The following MDGA1 variants were observed in gnomAD, a reference collection of about 807,000 sequenced individuals.
The protein encoded by MDGA1 is MAM domain-containing glycosylphosphatidylinositol anchor protein 1.
Under a neutral mutation model 101.5 loss-of-function variants are expected in MDGA1, and 54 were observed. That is an observed-to-expected ratio of 0.53 (90% CI 0.43 to 0.67). The LOEUF (loss-of-function observed/expected upper bound fraction) is 0.67. MDGA1 is among the 30% of genes least tolerant of loss of function. The pLI is 0.00. For missense variants in MDGA1, 1,083 were observed against 1,323.8 expected, an observed-to-expected ratio of 0.82 and a Z score of 2.82; for synonymous variants, 533 against 558.3, an observed-to-expected ratio of 0.95 and a Z score of 0.64.
intron 1 of MDGA1, among the ~76,000 whole-genome samples, chr6:37,683,238 C>T (rs1216970401): frequency 2.6e-5 from 4 of 152,202 alleles, no homozygotes; most frequent in Non-Finnish European, 4.4e-5. Flanking sequence ...GAGAAATCGA[C>T]ACACTTGGAT....
Position 37,636,003 on chromosome 6 carries a change from A to C in MDGA1, c.*1365T>G. The stretch of plus-strand genomic sequence containing the variant: ...TGTTTGCACACACTCCTGCCCAACA[A>C]TGTACCCACGGTGGTACCTAGACAC... On this transcript the variant is annotated 3_prime_UTR_variant, in exon 17 of 17. Transcript: ENST00000434837. 22 of 341,806 alleles carry C rather than the reference A, an allele frequency of 6.4e-5. No individual in the cohort carries two copies. The highest frequency in any genetic ancestry group is 1.8e-4 in the East Asian group (4 of 22,322). The allele number at this position is 341,806 out of a possible 1,614,324, so 21.2% of individuals were successfully genotyped here. A position where few individuals can be genotyped will look rare whatever the true frequency, so the allele number is the denominator to read the frequency against.
intron 12 of MDGA1, 43 bp downstream of exon 12, chr6:37,645,890 C>T: frequency 1.2e-6 from 2 of 1,610,732 alleles, no homozygotes; most frequent in African/African-American, 1.3e-5. Flanking sequence ...GCCTTTGTGT[C>T]CCTAAAGGGA....
chr6:37,646,891 G>T (rs996290656), intron 10 of MDGA1, among the ~76,000 whole-genome samples: 1 of 152,118 alleles, frequency 6.6e-6, no homozygotes, highest in Admixed American at 6.5e-5. Context: ...TATGTTCTGT[G>T]AGCAGTGCTG....
In MDGA1 at chr6:37,635,746, T is replaced by C. The variant is rs1204412041; in HGVS notation, c.*1622A>G. ...AAGGTGCTTGCATTCAATAGGGTCA[T>C]CTGTAAGCTCTCCGTCATCCATAGG... On this transcript the variant is annotated 3_prime_UTR_variant, in exon 17 of 17. Coordinates refer to ENST00000434837, the MANE Select transcript of MDGA1 (RefSeq NM_153487.4). The C allele has an allele frequency of 2.5e-6, 1 of 398,712 alleles. No individual in the cohort carries two copies. 24.7% of individuals were successfully genotyped at this position (398,712 alleles called of 1,614,324 possible). A position where few individuals can be genotyped will look rare whatever the true frequency, so the allele number is the denominator to read the frequency against.
rs1242223711 is a variant in MDGA1 at position 37,697,616 on chromosome 6, G to C, written c.-805C>G. 6.6e-6 allele frequency: 1 copy of C among 151,964 alleles called. No homozygotes were observed. Among genetic ancestry groups the C allele is most frequent in the Non-Finnish European group, 1.5e-5 (1 of 67,992 alleles). The allele number at this position is 151,964 out of a possible 1,614,324, so 9.4% of individuals were successfully genotyped here. The stretch of plus-strand genomic sequence containing the variant: ...AAATATTCGCGCTCTCGCCCAGGCC[G>C]GGGCTGCGGCGCGGGCGCCGCTCGC... On this transcript the variant is annotated 5_prime_UTR_variant, in exon 1 of 17. Coordinates refer to ENST00000434837, the MANE Select transcript of MDGA1 (RefSeq NM_153487.4).
Position 37,658,315 on chromosome 6 carries a change from G to A in MDGA1, c.312C>T (p.Gly104=), listed in dbSNP as rs144876049. The part of the protein sequence containing the change: ...RIERIARTQG[G]RYYCKAENGV... Reference sequence around the variant, plus strand: ...CGTTCTCAGCCTTGCAGTAGTAGCGGCCGCCCTGCGTGCGTGCAATACGCT... The same window carrying A: ...CGTTCTCAGCCTTGCAGTAGTAGCGACCGCCCTGCGTGCGTGCAATACGCT... The change falls in exon 3 of 17, where the codon GGC becomes GGT. Residue 104 remains glycine, a synonymous_variant. Coordinates refer to ENST00000434837, the MANE Select transcript of MDGA1 (RefSeq NM_153487.4). 19 of 1,612,502 alleles carry A rather than the reference G, an allele frequency of 1.2e-5. No homozygotes were observed. The African/African-American group carries it at 2.1e-4, about 18-fold the overall frequency.
intron 2 of MDGA1, among the ~76,000 whole-genome samples, chr6:37,662,852 T>G (rs1428403435): frequency 6.6e-6 from 1 of 152,072 alleles, no homozygotes; most frequent in Non-Finnish European, 1.5e-5. Context: ...AGTGCAGCCT[T>G]AGGGAGAATG....
At chr6:37,660,088 G>A (rs1404754808) in intron 2 of MDGA1, among the ~76,000 whole-genome samples, 1 of 149,096 alleles carries the variant, frequency 6.7e-6, no homozygotes, top group Non-Finnish European at 1.5e-5. Context: ...CACCCAGGCT[G>A]GAGTGCAGTG....
chr6:37,679,865 T>C (rs1457768780), intron 1 of MDGA1, among the ~76,000 whole-genome samples: 1 of 152,172 alleles, frequency 6.6e-6, no homozygotes, highest in African/African-American at 2.4e-5. Flanking sequence ...CATCATCACA[T>C]GGTTAGTGAG....
At chr6:37,675,583 T>C (rs1039240779) in intron 1 of MDGA1, among the ~76,000 whole-genome samples, 1 of 152,074 alleles carries the variant, frequency 6.6e-6, no homozygotes, top group Non-Finnish European at 1.5e-5. Context: ...GGGCTGAAAG[T>C]AGTAATAATC....
chr6:37,672,003 T>C (rs1019627613), intron 1 of MDGA1, among the ~76,000 whole-genome samples: 16 of 151,492 alleles, frequency 1.1e-4, no homozygotes, highest in Non-Finnish European at 1.6e-4. Flanking sequence ...TTAGCCAGCA[T>C]GGTGGTGCAC....
chr6:37,642,935 T>C (rs1267681274), intron 14 of MDGA1, among the ~76,000 whole-genome samples: 1 of 152,248 alleles, frequency 6.6e-6, no homozygotes, highest in African/African-American at 2.4e-5. Flanking sequence ...GTGACGCTCC[T>C]ACCAGTACCA....
intron 1 of MDGA1, 65 bp from the exon 2 acceptor site, chr6:37,664,171 C>T (rs541916855): frequency 1.3e-6 from 2 of 1,596,478 alleles, no homozygotes; most frequent in African/African-American, 1.3e-5. Flanking sequence ...AAGTCTGGGG[C>T]TCCCTCCTGA....
chr6:37,690,791 C>G (rs959818072), intron 1 of MDGA1, among the ~76,000 whole-genome samples: 7 of 126,278 alleles, frequency 5.5e-5, no homozygotes, highest in Non-Finnish European at 1.2e-4. Context: ...AAAAAAAAAT[C>G]CTTTACTGTT....
intron 1 of MDGA1, among the ~76,000 whole-genome samples, chr6:37,677,223 T>C (rs1244749328): frequency 6.6e-6 from 1 of 152,178 alleles, no homozygotes; most frequent in African/African-American, 2.4e-5. Flanking sequence ...TAAAATCCAT[T>C]GTGGCCGGGC....
chr6:37,654,692 C>T, intron 5 of MDGA1, 108 bp downstream of exon 5: 1 of 1,544,586 alleles, frequency 6.5e-7, no homozygotes, highest in Non-Finnish European at 8.9e-7. Context: ...AGGGGAGGGG[C>T]CAGACATTAG....
rs116047921 is a variant in MDGA1 at position 37,679,649 on chromosome 6, G to A, written c.68-15543C>T. On this transcript the variant is annotated intron_variant, in intron 1 of 16. Coordinates refer to ENST00000434837, the MANE Select transcript of MDGA1 (RefSeq NM_153487.4). ...CCTCTGTGCCTCAGCCAGTGACAGC[G>A]GCAGCTTCCTGAGCCAGGCCTCGGT... 2.7e-3 allele frequency among the ~76,000 whole-genome samples: 416 copies of A among 152,230 alleles called. 3 individuals are homozygous for A. Among genetic ancestry groups the A allele is most frequent in the African/African-American group, 9.6e-3 (398 of 41,544 alleles).
intron 9 of MDGA1, chr6:37,648,779 C>G: frequency 9.8e-7 from 1 of 1,023,528 alleles, no homozygotes. Context: ...GCTGGGAGGC[C>G]CAGGTTGGGA....
rs1762424461 is a variant in MDGA1, at chr6:37,696,614, G to T, written c.67+131C>A. On this transcript the variant is annotated intron_variant, in intron 1 of 16. Transcript: ENST00000434837. This position sits in a 1 kb window ranked among gnomAD's most constrained non-coding sequence, Gnocchi z 5.6. The stretch of plus-strand genomic sequence containing the variant: ...TCGGTCTCCACGCGCCCTGGAGAGG[G>T]CGGGGACGCGGGCATCCACTCCAGA... 1.2e-6 allele frequency: 1 copy of T among 851,456 alleles called. No homozygotes were observed. Among genetic ancestry groups the T allele is most frequent in the Non-Finnish European group, 1.9e-6 (1 of 524,422 alleles). The allele number at this position is 851,456 out of a possible 1,614,324, so 52.7% of individuals were successfully genotyped here.
Sources: allele counts gnomAD v4.1 joint callset (sites outside exome capture counted in the v4.1 genomes callset), GRCh38; gene constraint gnomAD v4.1.1; non-coding constraint Gnocchi (gnomAD v3.1); transcripts MANE v1.5; gene names NCBI Gene and HGNC (gene_info 2026-07-23, HGNC 2026-07-21).